Variants in LEPR observed in about 807,000 individuals in gnomAD.
LEPR encodes the protein OB receptor.
Under a neutral mutation model 114.7 loss-of-function variants are expected in LEPR, and 56 were observed. The observed-to-expected ratio is 0.49, with a 90% CI of 0.39 to 0.61. The LOEUF (loss-of-function observed/expected upper bound fraction) is 0.61. LEPR is among the 20% of genes least tolerant of loss of function. The probability of loss-of-function intolerance (pLI) is 0.00; values close to 1 mark genes in which losing one functional copy is unlikely to be tolerated. For synonymous variants in LEPR, 443 were observed against 461.4 expected, an observed-to-expected ratio of 0.96 and a Z score of 0.51; for missense variants, 1,202 against 1,352.9, an observed-to-expected ratio of 0.89 and a Z score of 1.75.
rs920201162 is a variant in LEPR at position 65,637,684 on chromosome 1, G to T, written c.*669G>T. On this transcript the variant is annotated 3_prime_UTR_variant, in exon 20 of 20. Transcript: ENST00000349533. ...ATTCTTCTCTCTGAAAGATGTTGAA[G>T]TGGTCACTTTCTGATAAAGTTAGAT... The T allele has an allele frequency of 6.6e-6, 1 of 152,214 alleles. No individual in the cohort carries two copies. Among genetic ancestry groups the T allele is most frequent in the Non-Finnish European group, 1.5e-5 (1 of 68,064 alleles). 9.4% of individuals were successfully genotyped at this position (152,214 alleles called of 1,614,324 possible). A position where few individuals can be genotyped will look rare whatever the true frequency, so the allele number is the denominator to read the frequency against.
chr1:65,629,456 T>C, intron 19 of LEPR: 1 of 347,380 alleles, frequency 2.9e-6, no homozygotes, highest in South Asian at 2.4e-5. Flanking sequence ...GAACCAAGTA[T>C]TTAATAATAT....
At chr1:65,542,449 A>G (rs1369515482) in intron 2 of LEPR, among the ~76,000 whole-genome samples, 2 of 151,718 alleles carry the variant, frequency 1.3e-5, no homozygotes, top group African/African-American at 4.8e-5. Context: ...GATGAGAAAC[A>G]TTGTGCCTAT....
chr1:65,629,555 C>T (rs1352886003), intron 19 of LEPR, among the ~76,000 whole-genome samples: 1 of 151,824 alleles, frequency 6.6e-6, no homozygotes, highest in East Asian at 1.9e-4. Flanking sequence ...CAAAATTGTG[C>T]CGAATTTTAG....
intron 19 of LEPR, chr1:65,626,152 T>TGG (rs1658198864): frequency 6.2e-7 from 1 of 1,612,338 alleles, no homozygotes; most frequent in African/African-American, 1.3e-5. Flanking sequence ...AACTACTGGG[T>TGG]GGAGGTTGGT....
intron 2 of LEPR, among the ~76,000 whole-genome samples, chr1:65,478,343 T>G (rs575071806): frequency 6.6e-6 from 1 of 152,180 alleles, no homozygotes; most frequent in Non-Finnish European, 1.5e-5. Context: ...ATGAAAACTG[T>G]AAAATTATAT....
Position 65,526,179 on chromosome 1 carries a change from C to G in LEPR, c.-20-39367C>G, listed in dbSNP as rs1649953486. ...CCTACTTTGGAAACTGAAGGGACTG[C>G]CACCTAAAACAGTAAACCCTGGGGT... On this transcript the variant is annotated intron_variant, in intron 2 of 19. Transcript: ENST00000349533. 3.0e-6 allele frequency: 3 copies of G among 984,512 alleles called. No homozygotes were observed. The South Asian group carries it at 1.4e-4, about 46-fold the overall frequency. 61.0% of individuals were successfully genotyped at this position (984,512 alleles called of 1,614,324 possible).
At chr1:65,507,459 G>GTA (rs1553159548) in intron 2 of LEPR, among the ~76,000 whole-genome samples, 15 of 139,542 alleles carry the variant, frequency 1.1e-4, no homozygotes, top group Admixed American at 2.9e-4. Context: ...GTGTGTGTGT[G>GTA]TATATATATA....
chr1:65,479,766 T>G (rs1647198017), intron 2 of LEPR, among the ~76,000 whole-genome samples: 1 of 152,144 alleles, frequency 6.6e-6, no homozygotes, highest in Admixed American at 6.5e-5. Context: ...CCAAAACAAC[T>G]GGGCAGAAAG....
chr1:65,609,851 G>C, intron 12 of LEPR, 96 bp from the exon 13 acceptor site: 1 of 1,536,972 alleles, frequency 6.5e-7, no homozygotes, highest in Non-Finnish European at 9.0e-7. Context: ...CTTAATTTTG[G>C]AATAGTGTTA....
intron 2 of LEPR, among the ~76,000 whole-genome samples, chr1:65,472,562 T>A (rs774377617): frequency 2.0e-5 from 3 of 149,242 alleles, no homozygotes; most frequent in Non-Finnish European, 4.4e-5. Flanking sequence ...ATTTGATGTT[T>A]GATGAAATAT....
intron 2 of LEPR, among the ~76,000 whole-genome samples, chr1:65,448,408 G>C (rs1315272180): frequency 1.3e-5 from 2 of 152,076 alleles, no homozygotes; most frequent in Non-Finnish European, 2.9e-5. Context: ...TTTATACATT[G>C]TTAGATTCAA....
intron 2 of LEPR, among the ~76,000 whole-genome samples, chr1:65,492,117 C>A (rs1647902421): frequency 6.6e-6 from 1 of 152,026 alleles, no homozygotes; most frequent in Non-Finnish European, 1.5e-5. Context: ...ATAGCTTATA[C>A]CTCATATGAG....
chr1:65,473,112 T>C (rs1378475879), intron 2 of LEPR, among the ~76,000 whole-genome samples: 1 of 152,222 alleles, frequency 6.6e-6, no homozygotes, highest in Non-Finnish European at 1.5e-5. Flanking sequence ...GATAATACTC[T>C]TGACGGCTTG....
intron 1 of LEPR, among the ~76,000 whole-genome samples, chr1:65,423,037 A>G (rs1354254274): frequency 4.6e-5 from 7 of 152,156 alleles, no homozygotes. Context: ...ATTCATTGGA[A>G]GGTGGAATGC....
At chr1:65,557,263 A>G (rs188910044) in intron 2 of LEPR, among the ~76,000 whole-genome samples, 20 of 152,290 alleles carry the variant, frequency 1.3e-4, no homozygotes, top group Non-Finnish European at 2.4e-4. Flanking sequence ...TAATTGAACA[A>G]TACAACCATA....
At position 65,636,514 on chromosome 1, in the gene LEPR, T is replaced by C; in HGVS notation, c.2997T>C (p.Gly999=). 6.2e-7 allele frequency: 1 copy of C among 1,614,070 alleles called. No individual in the cohort carries two copies. Among genetic ancestry groups the C allele is most frequent in the Middle Eastern group, 1.6e-4 (1 of 6,062 alleles). Residue 999 remains glycine (G), a synonymous_variant, in exon 20 of 20, where the codon GGT becomes GGC. Transcript: ENST00000349533. ...LISNSKPSET[G]EEQGLINSSV... The stretch of plus-strand genomic sequence containing the variant: ...GCAACTCTAAACCAAGTGAAACTGG[T>C]GAAGAACAAGGGCTTATAAATAGTT...
chr1:65,492,469 A>T (rs183407872), intron 2 of LEPR, among the ~76,000 whole-genome samples: 43 of 152,250 alleles, frequency 2.8e-4, no homozygotes, highest in African/African-American at 1.0e-3. Context: ...TAATCAAGAT[A>T]AAACCTTATG....
At chr1:65,540,207 T>C (rs1482604577) in intron 2 of LEPR, among the ~76,000 whole-genome samples, 1 of 152,196 alleles carries the variant, frequency 6.6e-6, no homozygotes, top group Non-Finnish European at 1.5e-5. Context: ...GCAGGTTTGT[T>C]TTCTCATTGT....
chr1:65,486,946 A>G (rs1647517220), intron 2 of LEPR, among the ~76,000 whole-genome samples: 1 of 152,138 alleles, frequency 6.6e-6, no homozygotes, highest in African/African-American at 2.4e-5. Flanking sequence ...AAAAACAGAG[A>G]AACACACACA....
Sources: gnomAD v4.1 joint callset for allele counts (sites outside exome capture counted in the v4.1 genomes callset) on GRCh38, gnomAD v4.1.1 for gene constraint, MANE v1.5 for transcripts, NCBI Gene and HGNC (gene_info 2026-07-23, HGNC 2026-07-21) for gene names.